Variants in WDR54 observed in about 807,000 individuals in gnomAD.
WDR54 encodes the protein WD repeat-containing protein 54.
A neutral mutation model predicts 44.1 loss-of-function variants in WDR54; 44 were observed. That is an observed-to-expected ratio of 1.00 (90% CI 0.78 to 1.28). The LOEUF (loss-of-function observed/expected upper bound fraction) is 1.28. Ranked by LOEUF, WDR54 falls within the 50% of genes most tolerant of loss-of-function variation. The pLI is 0.00. For missense variants in WDR54, 409 were observed against 429.7 expected (o/e 0.95, Z 0.43); for synonymous variants, 169 against 169.8 (o/e 1.00, Z 0.04).
At position 74,423,310 on chromosome 2, in the gene WDR54, G is replaced by A; in HGVS notation, c.286-9G>A. On this transcript the variant is annotated splice_polypyrimidine_tract_variant and intron_variant, in intron 3 of 9. Transcript: ENST00000348227. Reference sequence around the variant, plus strand: ...GTTATGCCCCCTGGTTCTTGCCCCGGTCTTCCAGATGTACGAGTCCAATGG... The same window carrying A: ...GTTATGCCCCCTGGTTCTTGCCCCGATCTTCCAGATGTACGAGTCCAATGG... The A allele has an allele frequency of 6.2e-7, 1 of 1,613,220 alleles. No homozygotes were observed.
At chr2:74,425,352 C>T in intron 8 of WDR54, 65 bp from the exon 9 acceptor site, 1 of 1,601,070 alleles carries the variant, frequency 6.2e-7, no homozygotes, top group South Asian at 1.1e-5. Flanking sequence ...GGCACCTGGA[C>T]TGGGGATTCC....
Position 74,423,917 on chromosome 2 carries a change from A to T in WDR54, c.469A>T (p.Ser157Cys). Residue 157 changes from serine to cysteine, a missense_variant, in exon 6 of 10, where the codon AGC (serine) becomes TGC (cysteine). Ser to Cys is a moderately radical substitution (Grantham distance 112, BLOSUM62 -1). Coordinates refer to ENST00000348227, the MANE Select transcript of WDR54 (RefSeq NM_032118.4). ...IPAKGPNIVL[S>C]EELAGHQMPI... ...AGCAAAGGGTCCCAACATTGTACTG[A>T]GCGAGGAGCTGGCTGGGCACCAGAT... 1.2e-6 allele frequency: 2 copies of T among 1,614,052 alleles called. No homozygotes were observed. The highest frequency in any genetic ancestry group is 1.7e-6 in the Non-Finnish European group (2 of 1,180,010).
At chr2:74,423,174 T>A (rs1670200513) in intron 3 of WDR54, 145 bp from the exon 4 acceptor site, 3 of 1,031,486 alleles carry the variant, frequency 2.9e-6, no homozygotes, top group Non-Finnish European at 3.0e-6. Context: ...CTCACTGTTG[T>A]CCTCTGAAAA....
intron 8 of WDR54, 36 bp downstream of exon 8, chr2:74,425,273 C>T: frequency 1.3e-6 from 2 of 1,533,344 alleles, no homozygotes; most frequent in Admixed American, 2.0e-5. Context: ...TACCCTTTTT[C>T]CTGGCAGTGG....
intron 3 of WDR54, 177 bp downstream of exon 3, chr2:74,423,109 C>A: frequency 1.2e-6 from 1 of 827,856 alleles, no homozygotes; most frequent in Non-Finnish European, 2.0e-6. Flanking sequence ...CAAGTGCCAC[C>A]TCCAGTATCT....
At position 74,422,864 on chromosome 2, in the gene WDR54, C is replaced by A; in HGVS notation, c.223-6C>A. On this transcript the variant is annotated splice_polypyrimidine_tract_variant and splice_region_variant and intron_variant, in intron 2 of 9. Transcript: ENST00000348227. ...TTTCTCCCTACACTGATGCACCTCC[C>A]TCCAGGTCCACTGGTGTGTCCTCCC... The A allele has an allele frequency of 6.2e-7, 1 of 1,613,834 alleles. No homozygotes were observed. Among genetic ancestry groups the A allele is most frequent in the Non-Finnish European group, 8.5e-7 (1 of 1,179,762 alleles).
chr2:74,424,627 A>G (rs1037629338), intron 6 of WDR54, among the ~76,000 whole-genome samples: 1 of 152,136 alleles, frequency 6.6e-6, no homozygotes, highest in Non-Finnish European at 1.5e-5. Flanking sequence ...TGAGGCAATT[A>G]TGCACCCCCT....
chr2:74,422,988 G>C, intron 3 of WDR54, 56 bp downstream of exon 3: 1 of 1,584,968 alleles, frequency 6.3e-7, no homozygotes, highest in Non-Finnish European at 8.7e-7. Context: ...TTCCCTGCCA[G>C]GCTTCCAGAC....
Position 74,425,095 on chromosome 2 carries a change from A to C in WDR54, c.656A>C (p.Gln219Pro), listed in dbSNP as rs139528498. 3.8e-6 allele frequency: 6 copies of C among 1,596,132 alleles called. No homozygotes were observed. The African/African-American group carries it at 8.0e-5, about 21-fold the overall frequency. ...TGCAGAGTTCCGTGCCCCTCTGTGCAGCTGTGGCAGGGGATCATAGCAGCA... is the reference window on the plus strand; with the variant it reads ...TGCAGAGTTCCGTGCCCCTCTGTGCCGCTGTGGCAGGGGATCATAGCAGCA... Reference protein sequence around the residue: ...PGFGVPCPSVQLWQGIIAAGY... With the variant: ...PGFGVPCPSVPLWQGIIAAGY... Residue 219 changes from glutamine to proline, a missense_variant, in exon 8 of 10, where the codon CAG becomes CCG. Physicochemically the swap from Gln to Pro is moderately conservative, Grantham distance 76 (BLOSUM62 -1). Coordinates refer to ENST00000348227, the MANE Select transcript of WDR54 (RefSeq NM_032118.4).
intron 1 of WDR54, 87 bp downstream of exon 1, chr2:74,421,903 C>T: frequency 1.6e-6 from 1 of 616,256 alleles, no homozygotes; most frequent in Non-Finnish European, 3.0e-6. Flanking sequence ...ATTTGGCTCG[C>T]GGGCTTGGGG....
chr2:74,424,929 C>T lies in WDR54; in HGVS notation c.589C>T (p.Arg197Trp), dbSNP rs375496069. Residue 197 changes from arginine (R) to tryptophan (W), a missense_variant, in exon 7 of 10, where the codon CGG becomes TGG. By Grantham distance (101) the Arg-to-Trp change is moderately radical. Coordinates refer to ENST00000348227, the MANE Select transcript of WDR54 (RefSeq NM_032118.4). ...ADDSGLLCVWRSGPEFTLLTR... is the reference protein window; with the variant it reads ...ADDSGLLCVWWSGPEFTLLTR... ...TGACTCAGGCTTGCTGTGTGTCTGG[C>T]GGTCAGGGCCAGAATTCACATTATT... 51 of 1,614,026 alleles carry T rather than the reference C, an allele frequency of 3.2e-5. No homozygotes were observed. Among genetic ancestry groups the T allele is most frequent in the Middle Eastern group, 3.3e-4 (2 of 6,084 alleles).
Position 74,425,698 on chromosome 2 carries a change from G to C in WDR54, c.1002G>C (p.Val334=). Residue 334 remains valine (V), a synonymous_variant, in exon 10 of 10, where the codon GTG becomes GTC. Transcript: ENST00000348227. The part of the protein sequence containing the change: ...DLAEIRRFSS[V] ...CGGAGATCCGGAGATTCAGCAGTGT[G>C]TGAGAAGAGCAGCCTTCCTTTGTCC... The C allele has an allele frequency of 6.2e-7, 1 of 1,614,192 alleles. No homozygotes were observed. Among genetic ancestry groups the C allele is most frequent in the Non-Finnish European group, 8.5e-7 (1 of 1,180,038 alleles).
intron 5 of WDR54, 121 bp from the exon 6 acceptor site, chr2:74,423,734 T>C: frequency 6.7e-7 from 1 of 1,495,852 alleles, no homozygotes; most frequent in East Asian, 2.3e-5. Flanking sequence ...GGCATGGCCG[T>C]TGGAGCAGTG....
At chr2:74,424,763 C>A in intron 6 of WDR54, 112 bp from the exon 7 acceptor site, 1 of 1,347,914 alleles carries the variant, frequency 7.4e-7, no homozygotes, top group South Asian at 1.2e-5. Context: ...CCACACCTTG[C>A]CCTTTCCCTG....
Position 74,423,482 on chromosome 2 carries a change from G to C in WDR54, c.357G>C (p.Gln119His). 6.2e-7 allele frequency: 1 copy of C among 1,614,030 alleles called. No homozygotes were observed. The highest frequency in any genetic ancestry group is 8.5e-7 in the Non-Finnish European group (1 of 1,179,910). Residue 119 changes from glutamine (Q) to histidine (H), a missense_variant, in exon 5 of 10, where the codon CAG becomes CAC. By Grantham distance (24) the Gln-to-His change is conservative (BLOSUM62 0). Transcript: ENST00000348227. ...ALDSGDASPV[Q>H]AVFARGIAAS... ...ATTCTCCCCTTTCATATTCAGTACA[G>C]GCTGTGTTTGCCCGGGGAATTGCTG...
chr2:74,425,378 C>G lies in WDR54; in HGVS notation c.799-39C>G, dbSNP rs56403792. ...TGGGGATTCCAGCTTATAGCTGTCC[C>G]GTCAGGGCATTCTGACTCCCCCTCT... On this transcript the variant is annotated intron_variant, in intron 8 of 9. Coordinates refer to ENST00000348227, the MANE Select transcript of WDR54 (RefSeq NM_032118.4). 1.8e-3 allele frequency: 2,835 copies of G among 1,612,472 alleles called. 36 individuals carry two copies. In the African/African-American group the frequency reaches 0.033, roughly 19 times the overall value.
intron 2 of WDR54, 41 bp from the exon 3 acceptor site, chr2:74,422,829 C>T (rs1338251586): frequency 6.4e-7 from 1 of 1,558,980 alleles, no homozygotes; most frequent in African/African-American, 1.4e-5. Flanking sequence ...CTCATCTTCC[C>T]TGCTTTGATT....
At chr2:74,423,079 T>A in intron 3 of WDR54, 147 bp downstream of exon 3, 2 of 922,308 alleles carry the variant, frequency 2.2e-6, no homozygotes, top group Middle Eastern at 2.3e-4. Context: ...ATCTTCAATC[T>A]TTCCATCTTT....
intron 2 of WDR54, 135 bp downstream of exon 2, chr2:74,422,510 T>G: frequency 2.7e-6 from 3 of 1,118,834 alleles, no homozygotes; most frequent in South Asian, 3.3e-5. Context: ...ATCTCCCCTC[T>G]CCTGCCGGGC....
Sources: gnomAD v4.1 joint callset for allele counts (sites outside exome capture counted in the v4.1 genomes callset) on GRCh38, gnomAD v4.1.1 for gene constraint, MANE v1.5 for transcripts, NCBI Gene and HGNC (gene_info 2026-07-23, HGNC 2026-07-21) for gene names.